Variants in OXR1 observed in about 807,000 individuals in gnomAD.
The protein encoded by OXR1 is oxidation resistance protein 1.
OXR1 carries 41 observed loss-of-function variants against 104.6 expected under a neutral mutation model. The ratio of observed to expected loss-of-function variants is 0.39; its 90% confidence interval spans 0.31 to 0.51. OXR1 has a LOEUF of 0.51. OXR1 is among the 20% of genes least tolerant of loss of function. The pLI is 0.77. For missense variants in OXR1, 955 were observed against 1,031.9 expected (o/e 0.93, Z 1.02); for synonymous variants, 348 against 348.4 (o/e 1.00, Z 0.01).
chr8:106,683,178 T>C, intron 4 of OXR1, 21 bp from the exon 5 acceptor site: 1 of 1,219,968 alleles, frequency 8.2e-7, no homozygotes, highest in Non-Finnish European at 1.2e-6. Context: ...ATTGAAATAA[T>C]TTATTTTTTC....
At chr8:106,481,612 T>G (rs562951422) in intron 2 of OXR1, among the ~76,000 whole-genome samples, 17 of 152,100 alleles carry the variant, frequency 1.1e-4, no homozygotes, top group African/African-American at 3.6e-4. Context: ...TATGGAGAAT[T>G]GGGGAGAGCT....
chr8:106,447,886 C>T, intron 2 of OXR1: 1 of 1,495,708 alleles, frequency 6.7e-7, no homozygotes, highest in Non-Finnish European at 8.9e-7. Context: ...CCCCACCCCC[C>T]AACAGCCGGG....
intron 3 of OXR1, among the ~76,000 whole-genome samples, chr8:106,567,089 A>G (rs923938199): frequency 7.2e-5 from 11 of 152,308 alleles, no homozygotes; most frequent in African/African-American, 2.6e-4. Context: ...CATTCTGCAC[A>G]TGTATCCCAT....
chr8:106,618,244 G>T, intron 3 of OXR1: 1 of 1,245,362 alleles, frequency 8.0e-7, no homozygotes, highest in South Asian at 1.3e-5. Flanking sequence ...CAGATACAGC[G>T]GACATTAAAG....
At chr8:106,534,230 C>T (rs191709480) in intron 3 of OXR1, among the ~76,000 whole-genome samples, 2 of 152,134 alleles carry the variant, frequency 1.3e-5, no homozygotes, top group South Asian at 4.1e-4. Context: ...GGTAGCAAGA[C>T]TAATTTAAAG....
intron 16 of OXR1, among the ~76,000 whole-genome samples, chr8:106,746,480 C>T (rs1285887390): frequency 6.6e-6 from 1 of 152,168 alleles, no homozygotes; most frequent in African/African-American, 2.4e-5. Flanking sequence ...CAAGCAACAA[C>T]TCCTTCCTTT....
At chr8:106,291,466 T>C (rs956413650) in intron 1 of OXR1, among the ~76,000 whole-genome samples, 1 of 152,180 alleles carries the variant, frequency 6.6e-6, no homozygotes, top group Non-Finnish European at 1.5e-5. Context: ...TAGCATTAAA[T>C]TGCATCATTC....
At chr8:106,391,765 A>G (rs370386628) in intron 2 of OXR1, among the ~76,000 whole-genome samples, 1 of 152,092 alleles carries the variant, frequency 6.6e-6, no homozygotes, top group Non-Finnish European at 1.5e-5. Flanking sequence ...TACAGTATTC[A>G]TTTATTTCTG....
chr8:106,380,071 G>A (rs1817080035), intron 2 of OXR1, among the ~76,000 whole-genome samples: 1 of 151,828 alleles, frequency 6.6e-6, no homozygotes, highest in Non-Finnish European at 1.5e-5. Context: ...AAGAAATACT[G>A]AACCCGTTAG....
At position 106,437,091 on chromosome 8, in the gene OXR1, T is replaced by C. The variant is rs1262762937; in HGVS notation, c.23+77455T>C. 3.9e-5 allele frequency among the ~76,000 whole-genome samples: 6 copies of C among 152,298 alleles called. No individual in the cohort carries two copies. The South Asian group carries it at 1.2e-3, about 32-fold the overall frequency. ...CAGATTCATAAGGCTCCAAAATACT[T>C]TCTCTTACCCTTTATGCTGTCTTTT... is the stretch of plus-strand genomic sequence containing the variant. On this transcript the variant is annotated intron_variant, in intron 2 of 16. Transcript: ENST00000517566.
chr8:106,485,398 C>T (rs995430803), intron 2 of OXR1, among the ~76,000 whole-genome samples: 12 of 152,018 alleles, frequency 7.9e-5, no homozygotes, highest in African/African-American at 2.9e-4. Context: ...AATGTTCAGC[C>T]TCTTTAGTAG....
intron 3 of OXR1, among the ~76,000 whole-genome samples, chr8:106,611,420 G>T (rs897225221): frequency 6.6e-6 from 1 of 152,182 alleles, no homozygotes; most frequent in African/African-American, 2.4e-5. Context: ...AACTCTGTAC[G>T]CATTTCATTT....
intron 2 of OXR1, among the ~76,000 whole-genome samples, chr8:106,469,579 T>C (rs1049858594): frequency 1.3e-5 from 2 of 151,834 alleles, no homozygotes; most frequent in South Asian, 4.1e-4. Context: ...AATGCTTGGC[T>C]AGGGTTGACA....
intron 6 of OXR1, among the ~76,000 whole-genome samples, chr8:106,688,882 TAC>T (rs1829009914): frequency 1.3e-5 from 2 of 152,128 alleles, no homozygotes; most frequent in African/African-American, 4.8e-5. Flanking sequence ...CAAGTGCAGG[TAC>T]TCTATAACTG....
chr8:106,694,532 T>C (rs1409010934), intron 7 of OXR1, among the ~76,000 whole-genome samples: 2 of 131,954 alleles, frequency 1.5e-5, no homozygotes, highest in African/African-American at 5.7e-5. Context: ...TAAATATGTT[T>C]ATATATATTT....
chr8:106,493,986 G>GGA (rs1811263423), intron 2 of OXR1, among the ~76,000 whole-genome samples: 1 of 152,138 alleles, frequency 6.6e-6, no homozygotes, highest in Non-Finnish European at 1.5e-5. Flanking sequence ...TTTATAAAAA[G>GGA]GAGATGATGA....
chr8:106,471,790 G>A (rs907613752), intron 2 of OXR1, among the ~76,000 whole-genome samples: 10 of 151,886 alleles, frequency 6.6e-5, no homozygotes, highest in African/African-American at 2.4e-4. Context: ...GCATTTTCAC[G>A]CTACGTGCTT....
intron 3 of OXR1, among the ~76,000 whole-genome samples, chr8:106,571,244 A>C (rs1249376242): frequency 6.6e-6 from 1 of 152,076 alleles, no homozygotes; most frequent in Non-Finnish European, 1.5e-5. Context: ...ATTTTCTCAC[A>C]ATCTGAAGTC....
intron 2 of OXR1, among the ~76,000 whole-genome samples, chr8:106,515,206 A>G (rs1459959782): frequency 6.6e-6 from 1 of 152,088 alleles, no homozygotes; most frequent in African/African-American, 2.4e-5. Flanking sequence ...AAAAATAAAA[A>G]TTATATATAT....
Sources: gnomAD v4.1 joint callset for allele counts (sites outside exome capture counted in the v4.1 genomes callset) on GRCh38, gnomAD v4.1.1 for gene constraint, MANE v1.5 for transcripts, NCBI Gene and HGNC (gene_info 2026-07-23, HGNC 2026-07-21) for gene names.